Variants in NBEAL1 observed in about 807,000 individuals in gnomAD.
The protein encoded by NBEAL1 is neurobeachin like 1.
NBEAL1 carries 273 observed loss-of-function variants against 351.3 expected under a neutral mutation model. The ratio of observed to expected loss-of-function variants is 0.78; its 90% CI spans 0.70 to 0.86. The LOEUF is 0.86. Ranked by LOEUF, NBEAL1 falls within the 40% of genes least tolerant of loss-of-function variation. NBEAL1 has a pLI of 0.00. For missense variants in NBEAL1, 2,961 were observed against 3,201.3 expected (o/e 0.92, Z 1.81); for synonymous variants, 1,050 against 1,086.4 (o/e 0.97, Z 0.66).
At chr2:203,190,518 C>T in intron 46 of NBEAL1, 129 bp downstream of exon 46, 1 of 759,582 alleles carries the variant, frequency 1.3e-6, no homozygotes, top group Non-Finnish European at 2.1e-6. Flanking sequence ...TTTCTGTTTG[C>T]TCAGAAAGTC....
At position 203,172,786 on chromosome 2, in the gene NBEAL1, G is replaced by A; in HGVS notation, c.6256G>A (p.Val2086Ile). The A allele has an allele frequency of 6.2e-7, 1 of 1,612,406 alleles. No homozygotes were observed. Residue 2086 changes from valine to isoleucine, a missense_variant, in exon 41 of 56, where the codon GTA becomes ATA. By Grantham distance (29) the Val-to-Ile change is conservative (BLOSUM62 3). Coordinates refer to ENST00000683969, the MANE Select transcript of NBEAL1 (RefSeq NM_001378026.1). ...AGAGTTGGACCTTAATAACCCTGCT[G>A]TATTTCGAGATCTTTCCAAACCAAT... is the stretch of plus-strand genomic sequence containing the variant. ...SEELDLNNPA[V>I]FRDLSKPIGV... is the part of the protein sequence containing the mutation.
chr2:203,038,238 A>T (rs1204969382), intron 2 of NBEAL1, among the ~76,000 whole-genome samples: 1 of 149,196 alleles, frequency 6.7e-6, no homozygotes, highest in East Asian at 1.9e-4. Flanking sequence ...GTATTCATTT[A>T]TCTGGGAGAG....
rs753974129 is a variant in NBEAL1, at chr2:203,149,130, G to A, written c.5444G>A (p.Arg1815Lys). 3.8e-6 allele frequency: 6 copies of A among 1,599,372 alleles called. No homozygotes were observed. The Admixed American group carries it at 5.1e-5, about 14-fold the overall frequency. The part of the protein sequence containing the change: ...KAIQLYLTCE[R>K]GPWAKRKQNP... Reference sequence around the variant, plus strand: ...ATACAGCTCTATCTTACATGTGAAAGGGGACCTTGGGCTAAAAGGTAAGAG... The same window carrying A: ...ATACAGCTCTATCTTACATGTGAAAAGGGACCTTGGGCTAAAAGGTAAGAG... Residue 1815 changes from arginine (R) to lysine (K), a missense_variant, in exon 34 of 56, where the codon AGG becomes AAG. Physicochemically the swap from Arg to Lys is conservative, Grantham distance 26. Transcript: ENST00000683969.
chr2:203,095,333 T>C (rs763862124), intron 10 of NBEAL1, among the ~76,000 whole-genome samples: 12 of 152,012 alleles, frequency 7.9e-5, no homozygotes, highest in Non-Finnish European at 1.6e-4. Context: ...TTGCTCTTGT[T>C]GACCAGGCTG....
At chr2:203,168,686 G>C (rs1483313839) in intron 38 of NBEAL1, among the ~76,000 whole-genome samples, 2 of 152,074 alleles carry the variant, frequency 1.3e-5, no homozygotes, top group Non-Finnish European at 2.9e-5. Context: ...ACGAGGTCAA[G>C]AGTTTGAGAC....
chr2:203,034,457 A>ATT (rs1241543389), intron 2 of NBEAL1, among the ~76,000 whole-genome samples: 13 of 111,946 alleles, frequency 1.2e-4, no homozygotes, highest in African/African-American at 1.6e-4. Flanking sequence ...ACACCCGGCC[A>ATT]TTTTTTTTTT....
intron 18 of NBEAL1, 93 bp downstream of exon 18, chr2:203,116,163 T>A: frequency 2.3e-6 from 2 of 866,952 alleles, no homozygotes; most frequent in Non-Finnish European, 3.7e-6. Context: ...ATTGGGTAAT[T>A]AAAAGGAGGG....
At chr2:203,156,740 G>A (rs143564894) in intron 35 of NBEAL1, among the ~76,000 whole-genome samples, 4 of 152,144 alleles carry the variant, frequency 2.6e-5, no homozygotes, top group East Asian at 1.9e-4. Context: ...AGGATTTGTC[G>A]TCTTTATAGT....
In NBEAL1 at chr2:203,218,019, C is replaced by CTTAAT. The variant is rs2065916000; in HGVS notation, c.*666_*670dup. On this transcript the variant is annotated 3_prime_UTR_variant, in exon 56 of 56. Coordinates refer to ENST00000683969, the MANE Select transcript of NBEAL1 (RefSeq NM_001378026.1). ...GAGATACATTTTACAGATGTATTTCCTTAATAATATAATTAAGCAAAAGTG... is the reference window on the plus strand; with the variant it reads ...GAGATACATTTTACAGATGTATTTCCTTAATTTAATAATATAATTAAGCAAAAGTG... 1.0e-5 allele frequency: 8 copies of CTTAAT among 768,264 alleles called. No individual in the cohort carries two copies. The highest frequency in any genetic ancestry group is 1.1e-5 in the Non-Finnish European group (7 of 632,362). 47.6% of individuals were successfully genotyped at this position (768,264 alleles called of 1,614,324 possible).
intron 5 of NBEAL1, among the ~76,000 whole-genome samples, chr2:203,057,077 G>T (rs1209460499): frequency 6.6e-6 from 1 of 152,054 alleles, no homozygotes; most frequent in Non-Finnish European, 1.5e-5. Context: ...TACAATTTGT[G>T]ATTTTTATGT....
intron 31 of NBEAL1, among the ~76,000 whole-genome samples, chr2:203,141,356 T>TATC: frequency 1.6e-5 from 1 of 63,530 alleles, no homozygotes; most frequent in African/African-American, 5.8e-5. Flanking sequence ...TTATTATTAT[T>TATC]ATTATTATTA....
In NBEAL1 at chr2:203,107,896, A is replaced by G; in HGVS notation, c.1657A>G (p.Ser553Gly). ...IHGSLGSQSV[S>G]SEEIRRLLRL... ...TGGTTCCTTGGGGAGTCAGTCAGTG[A>G]GCTCAGAAGAAATCCGTCGACTACT... Residue 553 changes from serine to glycine, a missense_variant, in exon 14 of 56, where the codon AGC (serine) becomes GGC (glycine). By Grantham distance (56) the Ser-to-Gly change is moderately conservative (BLOSUM62 0). Transcript: ENST00000683969. The G allele has an allele frequency of 1.3e-6, 2 of 1,553,842 alleles. No homozygotes were observed. Among genetic ancestry groups the G allele is most frequent in the South Asian group, 1.2e-5 (1 of 84,254 alleles).
intron 43 of NBEAL1, chr2:203,182,187 A>G (rs1352423097): frequency 6.6e-6 from 1 of 152,174 alleles, no homozygotes; most frequent in Non-Finnish European, 1.5e-5. Context: ...AAAAATCCTG[A>G]GGTATGGTAG....
In NBEAL1 at chr2:203,177,671, A is replaced by C. The variant is rs568847109; in HGVS notation, c.6464+2384A>C. Among the ~76,000 whole-genome samples the C allele has an allele frequency of 4.6e-5, 7 of 152,304 alleles. No individual in the cohort carries two copies. The East Asian group carries it at 1.3e-3, about 29-fold the overall frequency. ...AAGCCTTATAAATACTGCCAGTGGG[A>C]ATGTAAAATGGTATAGCTTTTGTGG... is the stretch of plus-strand genomic sequence containing the variant. On this transcript the variant is annotated intron_variant, in intron 42 of 55. Transcript: ENST00000683969.
intron 7 of NBEAL1, among the ~76,000 whole-genome samples, chr2:203,076,589 CTTTTTTTTTTT>C (rs369481909): frequency 9.2e-6 from 1 of 109,226 alleles, no homozygotes; most frequent in South Asian, 2.9e-4. Flanking sequence ...GTACTATGTA[CTTTTTTTTTTT>C]TTTTTTTTTG....
chr2:203,061,964 T>C (rs549554910), intron 6 of NBEAL1: 1 of 285,068 alleles, frequency 3.5e-6, no homozygotes, highest in East Asian at 1.3e-4. Flanking sequence ...TTAAAGGCTT[T>C]CCCACATTGT....
At chr2:203,184,646 T>G (rs1447184707) in intron 44 of NBEAL1, among the ~76,000 whole-genome samples, 1 of 151,722 alleles carries the variant, frequency 6.6e-6, no homozygotes, top group East Asian at 1.9e-4. Context: ...CTTGGAAACA[T>G]TTTCTATCAT....
chr2:203,045,514 A>G (rs369520522), intron 3 of NBEAL1, among the ~76,000 whole-genome samples: 8 of 152,322 alleles, frequency 5.3e-5, no homozygotes, highest in East Asian at 1.9e-4. Flanking sequence ...CTAAAATGAA[A>G]TATTTGTAAC....
At chr2:203,134,052 A>G (rs1401506479) in intron 27 of NBEAL1, among the ~76,000 whole-genome samples, 1 of 152,088 alleles carries the variant, frequency 6.6e-6, no homozygotes, top group East Asian at 1.9e-4. Flanking sequence ...ATGAAATAGA[A>G]TTGCTGTTTC....
Sources: allele counts gnomAD v4.1 joint callset (sites outside exome capture counted in the v4.1 genomes callset), GRCh38; gene constraint gnomAD v4.1.1; transcripts MANE v1.5; gene names NCBI Gene and HGNC (gene_info 2026-07-23, HGNC 2026-07-21).